Variants in ZNF121 observed in about 807,000 individuals in gnomAD.
ZNF121 encodes zinc finger protein 121 (clone ZHC32).
ZNF121 carries 1 observed loss-of-function variant against 2.4 expected under a neutral mutation model. The ratio of observed to expected loss-of-function variants is 0.41; its 90% CI spans 0.15 to 1.94. The LOEUF (loss-of-function observed/expected upper bound fraction) is 1.94, where lower values mean the gene tolerates loss of function less well. Ranked by LOEUF, ZNF121 falls within the 30% of genes most tolerant of loss-of-function variation. The probability of loss-of-function intolerance (pLI) is 0.30; values close to 1 mark genes in which losing one functional copy is unlikely to be tolerated. For synonymous variants in ZNF121, 173 were observed against 158.6 expected, an observed-to-expected ratio of 1.09 and a Z score of -0.68; for missense variants, 369 against 466.3, an observed-to-expected ratio of 0.79 and a Z score of 1.92.
At chr19:9,577,617 C>T (rs1204020482) in intron 1 of ZNF121, among the ~76,000 whole-genome samples, 1 of 152,016 alleles carries the variant, frequency 6.6e-6, no homozygotes, top group East Asian at 1.9e-4. Context: ...GACAATACTA[C>T]CCAAAGCAAT....
chr19:9,568,720 TAATG>T (rs990942637), intron 2 of ZNF121, among the ~76,000 whole-genome samples: 1 of 152,108 alleles, frequency 6.6e-6, no homozygotes, highest in Non-Finnish European at 1.5e-5. Context: ...TTAAATGAGA[TAATG>T]AACAGAAATA....
Position 9,568,153 on chromosome 19 carries a change from C to A in ZNF121, c.-56G>T. 6.7e-7 allele frequency: 1 copy of A among 1,498,404 alleles called. No individual in the cohort carries two copies. Among genetic ancestry groups the A allele is most frequent in the Non-Finnish European group, 9.0e-7 (1 of 1,108,362 alleles). The allele number at this position is 1,498,404 out of a possible 1,614,324, so 92.8% of individuals were successfully genotyped here. A position where few individuals can be genotyped will look rare whatever the true frequency, so the allele number is the denominator to read the frequency against. On this transcript the variant is annotated 5_prime_UTR_variant, in exon 3 of 4. Coordinates refer to ENST00000320451, the MANE Select transcript of ZNF121 (RefSeq NM_001008727.5). ...AAAAAAAATGTTGTTGAGGTGCTGA[C>A]ACTTTGGTTTTAACTTGCCATTCTG...
chr19:9,581,951 C>T (rs1029071050), intron 1 of ZNF121, among the ~76,000 whole-genome samples: 15 of 152,054 alleles, frequency 9.9e-5, no homozygotes, highest in African/African-American at 2.7e-4. Flanking sequence ...GCTCAATTTA[C>T]ACTCAAATTG....
rs2074127886 is a variant in ZNF121 at position 9,565,879 on chromosome 19, G to GT, written c.*60dup. 2 of 1,301,424 alleles carry GT rather than the reference G, an allele frequency of 1.5e-6. No homozygotes were observed. Among genetic ancestry groups the GT allele is most frequent in the Admixed American group, 2.8e-5 (1 of 35,114 alleles). The allele number at this position is 1,301,424 out of a possible 1,614,324, so 80.6% of individuals were successfully genotyped here. A position where few individuals can be genotyped will look rare whatever the true frequency, so the allele number is the denominator to read the frequency against. On this transcript the variant is annotated 3_prime_UTR_variant, in exon 4 of 4. Coordinates refer to ENST00000320451, the MANE Select transcript of ZNF121 (RefSeq NM_001008727.5). ...TCTCTTCAGTGTGAATTCAAATGTG[G>GT]TAATTATGGTATGAGAAATTCCTAA...
chr19:9,575,456 C>A (rs2074203873), intron 1 of ZNF121, among the ~76,000 whole-genome samples: 1 of 150,442 alleles, frequency 6.6e-6, no homozygotes, highest in Non-Finnish European at 1.5e-5. Flanking sequence ...TAAAGAAGGT[C>A]TCTATAGCTG....
chr19:9,584,075 A>C (rs1252574432), intron 1 of ZNF121: 2 of 152,234 alleles, frequency 1.3e-5, no homozygotes, highest in African/African-American at 2.4e-5. Flanking sequence ...GCAGGTGTTC[A>C]CCAGGAACAT....
intron 1 of ZNF121, among the ~76,000 whole-genome samples, chr19:9,569,446 TA>T (rs2074157597): frequency 6.6e-6 from 1 of 151,422 alleles, no homozygotes; most frequent in South Asian, 2.1e-4. Flanking sequence ...GACCCTGTCT[TA>T]AAAAAAATAA....
chr19:9,566,301 A>T lies in ZNF121; in HGVS notation c.812T>A (p.Leu271His). ...AGTGTGAATTCTAAAGTGATTCTTA[A>T]GGCATGAAGAGCTTCTGAAGGATTT... ...CGKSFRSSSC[L>H]KNHFRIHTGI... The change falls in exon 4 of 4, where the codon CTT becomes CAT. Residue 271 changes from leucine to histidine, a missense_variant. This residue lies in a region of ZNF121 where 127 missense variants were observed against 169.9 expected (regional missense o/e 0.75). Coordinates refer to ENST00000320451, the MANE Select transcript of ZNF121 (RefSeq NM_001008727.5). 1 of 1,613,924 alleles carries T rather than the reference A, an allele frequency of 6.2e-7. No individual in the cohort carries two copies. Among genetic ancestry groups the T allele is most frequent in the Non-Finnish European group, 8.5e-7 (1 of 1,179,960 alleles).
intron 1 of ZNF121, among the ~76,000 whole-genome samples, chr19:9,579,320 G>A (rs2074233018): frequency 6.6e-6 from 1 of 152,192 alleles, no homozygotes; most frequent in South Asian, 2.1e-4. Flanking sequence ...GGCTGTGGTG[G>A]GAGGATCACT....
At chr19:9,576,552 G>A (rs567361305) in intron 1 of ZNF121, among the ~76,000 whole-genome samples, 19 of 151,990 alleles carry the variant, frequency 1.3e-4, no homozygotes, top group East Asian at 3.9e-4. Flanking sequence ...TAAAATAACC[G>A]AATGATACCC....
Position 9,563,606 on chromosome 19 carries a change from GT to G in ZNF121, c.*2333del, listed in dbSNP as rs1857436074. The G allele has an allele frequency of 6.6e-6, 1 of 152,184 alleles. No individual in the cohort carries two copies. The highest frequency in any genetic ancestry group is 1.5e-5 in the Non-Finnish European group (1 of 68,044). The allele number at this position is 152,184 out of a possible 1,614,324, so 9.4% of individuals were successfully genotyped here. A position where few individuals can be genotyped will look rare whatever the true frequency, so the allele number is the denominator to read the frequency against. On this transcript the variant is annotated 3_prime_UTR_variant, in exon 4 of 4. Transcript: ENST00000320451. ...AAAGGACGGGCTGACTCTTTACTTT[GT>G]AGAGACAGCGTCACGCTCTGTTGTG...
intron 1 of ZNF121, among the ~76,000 whole-genome samples, chr19:9,570,146 C>T (rs2074163596): frequency 6.6e-6 from 1 of 151,994 alleles, no homozygotes. Context: ...GCAGAGGCTG[C>T]AGTGAGCCGA....
chr19:9,566,124 T>C lies in ZNF121; in HGVS notation c.989A>G (p.His330Arg). The C allele has an allele frequency of 6.2e-7, 1 of 1,614,132 alleles. No homozygotes were observed. The highest frequency in any genetic ancestry group is 8.5e-7 in the Non-Finnish European group (1 of 1,180,002). Residue 330 changes from histidine to arginine, a missense_variant, in exon 4 of 4, where the codon CAT becomes CGT. Transcript: ENST00000320451. ...TTTCTCTCCAGTGTGAGTTCTTATA[T>C]GTTCAATGAGTTGTGAAGATGTAGC... ...AFATSSQLIE[H>R]IRTHTGEKPY...
chr19:9,568,080 A>C lies in ZNF121; in HGVS notation c.3+15T>G, dbSNP rs770584293. On this transcript the variant is annotated intron_variant, in intron 3 of 3. Coordinates refer to ENST00000320451, the MANE Select transcript of ZNF121 (RefSeq NM_001008727.5). ...TCTTTTTTTGAGTGTGGTAAATAAG[A>C]AATCTTAATCTTACCATTTGTATGC... 3 of 1,550,426 alleles carry C rather than the reference A, an allele frequency of 1.9e-6. No homozygotes were observed. The highest frequency in any genetic ancestry group is 2.3e-5 in the East Asian group (1 of 44,218).
At chr19:9,581,956 A>G (rs1329976294) in intron 1 of ZNF121, among the ~76,000 whole-genome samples, 2 of 152,194 alleles carry the variant, frequency 1.3e-5, no homozygotes, top group African/African-American at 2.4e-5. Flanking sequence ...ATTTACACTC[A>G]AATTGTTCAC....
intron 1 of ZNF121, among the ~76,000 whole-genome samples, chr19:9,570,408 T>C (rs898136288): frequency 3.3e-5 from 5 of 152,048 alleles, no homozygotes; most frequent in Non-Finnish European, 7.4e-5. Context: ...CCCCCGCCCT[T>C]TGTTGACAGA....
Position 9,562,859 on chromosome 19 carries a change from C to T in ZNF121, c.*3081G>A, listed in dbSNP as rs1223791298. 9 of 139,128 alleles carry T rather than the reference C, an allele frequency of 6.5e-5. No individual in the cohort carries two copies. Among genetic ancestry groups the T allele is most frequent in the East Asian group, 2.1e-4 (1 of 4,768 alleles). The allele number at this position is 139,128 out of a possible 1,614,324, so 8.6% of individuals were successfully genotyped here. A position where few individuals can be genotyped will look rare whatever the true frequency, so the allele number is the denominator to read the frequency against. ...TTGAGGTTTTAAGTTCAAGATCAGC[C>T]GGGTAAACAGTAAAGTCCTGCCTCT... On this transcript the variant is annotated 3_prime_UTR_variant, in exon 4 of 4. Transcript: ENST00000320451.
chr19:9,582,730 C>A (rs564723909), intron 1 of ZNF121, among the ~76,000 whole-genome samples: 6 of 137,872 alleles, frequency 4.4e-5, no homozygotes, highest in African/African-American at 1.4e-4. Context: ...ACCCGGGTAG[C>A]AGAGCGAGAC....
At chr19:9,581,275 T>C (rs908348053) in intron 1 of ZNF121, among the ~76,000 whole-genome samples, 1 of 152,050 alleles carries the variant, frequency 6.6e-6, no homozygotes, top group East Asian at 1.9e-4. Context: ...CAAAGGGGCA[T>C]GAGAGCCTTT....
Sources: gnomAD v4.1 joint callset for allele counts (sites outside exome capture counted in the v4.1 genomes callset) on GRCh38, gnomAD v4.1.1 for gene constraint, gnomAD v4.1.1 regional missense constraint, MANE v1.5 for transcripts, NCBI Gene and HGNC (gene_info 2026-07-23, HGNC 2026-07-21) for gene names.